The following MDC1 variants were observed in gnomAD, a reference collection of about 807,000 sequenced individuals.
MDC1 encodes mediator of DNA damage checkpoint protein 1.
Under a neutral mutation model 142.5 loss-of-function variants are expected in MDC1, and 81 were observed. That is an observed-to-expected ratio of 0.57 (90% CI 0.47 to 0.68). The LOEUF is 0.68. MDC1 is among the 30% of genes least tolerant of loss of function. The pLI is 0.00. For synonymous variants in MDC1, 797 were observed against 968.4 expected (o/e 0.82, Z 3.29); for missense variants, 2,119 against 2,547.9 (o/e 0.83, Z 3.62).
In MDC1 at chr6:30,702,773, A is replaced by G. The variant is rs746767199; in HGVS notation, c.5970T>C (p.Ala1990=). 2.5e-6 allele frequency: 4 copies of G among 1,613,144 alleles called. No individual in the cohort carries two copies. Residue 1990 remains alanine, a synonymous_variant, in exon 13 of 15, where the codon GCT becomes GCC. Coordinates refer to ENST00000376406, the MANE Select transcript of MDC1 (RefSeq NM_014641.3). ...GFSLQDALSR[A]RERRLLEGYE... is the part of the protein sequence containing the mutation. ...TCACCTCTAGCAGCCTTCGCTCCCG[A>G]GCCCTGCTCAGTGCGTCTTGAAGGC...
Position 30,703,002 on chromosome 6 carries a change from C to T in MDC1, c.5865+102G>A. 2.5e-6 allele frequency: 4 copies of T among 1,577,422 alleles called. No individual in the cohort carries two copies. Among genetic ancestry groups the T allele is most frequent in the Non-Finnish European group, 3.4e-6 (4 of 1,159,768 alleles). On this transcript the variant is annotated intron_variant, in intron 12 of 14. Transcript: ENST00000376406. The surrounding 1 kb of genome is among the most constrained non-coding windows in gnomAD (Gnocchi z 4.4). ...ATGCAGGCTTCTGGCTCACCAATGC[C>T]CCTGTCTTCCTGTAACGCCTCTTCC...
In MDC1 at chr6:30,715,050, T is replaced by C; in HGVS notation, c.126A>G (p.Gly42=). Residue 42 remains glycine, a synonymous_variant, in exon 2 of 15, where the codon GGA becomes GGG. Coordinates refer to ENST00000376406, the MANE Select transcript of MDC1 (RefSeq NM_014641.3). The surrounding 1 kb of genome is among the most constrained non-coding windows in gnomAD (Gnocchi z 4.1). The part of the protein sequence containing the change: ...GRLHIFSGAH[G]PEKDFPLHLG... ...CCAATACCCTCTGACCTTTTTCTGGTCCATGGGCACCACTAAAGATATGTA... is the reference window on the plus strand; with the variant it reads ...CCAATACCCTCTGACCTTTTTCTGGCCCATGGGCACCACTAAAGATATGTA... The C allele has an allele frequency of 6.2e-7, 1 of 1,614,170 alleles. No individual in the cohort carries two copies. Among genetic ancestry groups the C allele is most frequent in the Non-Finnish European group, 8.5e-7 (1 of 1,180,032 alleles).
rs775455109 is a variant in MDC1, at chr6:30,713,816, C to T, written c.504G>A (p.Ser168=). 44 of 1,613,974 alleles carry T rather than the reference C, an allele frequency of 2.7e-5. No individual in the cohort carries two copies. Among genetic ancestry groups the T allele is most frequent in the South Asian group, 5.5e-5 (5 of 91,072 alleles). ...ATACAAACTTACCTACTTCCTCCTC[C>T]GAGTCCTCAGCCAACAGAAGCCTCT... ...QPQRLLLAED[S]EEEVDFLSER... Residue 168 remains serine, a synonymous_variant, in exon 3 of 15, where the codon TCG becomes TCA. Coordinates refer to ENST00000376406, the MANE Select transcript of MDC1 (RefSeq NM_014641.3). This position sits in a 1 kb window ranked among gnomAD's most constrained non-coding sequence, Gnocchi z 4.9.
At chr6:30,706,251 C>G (rs1773790235) in intron 9 of MDC1, among the ~76,000 whole-genome samples, 153 bp from the exon 10 acceptor site, 1 of 151,968 alleles carries the variant, frequency 6.6e-6, no homozygotes, top group African/African-American at 2.4e-5. Context: ...CTTTGGGAGG[C>G]CGAGGCGGGC....
In MDC1 at chr6:30,711,427, T is replaced by C; in HGVS notation, c.2206A>G (p.Ser736Gly). Residue 736 changes from serine to glycine, a missense_variant, in exon 7 of 15, where the codon AGC (serine) becomes GGC (glycine). Coordinates refer to ENST00000376406, the MANE Select transcript of MDC1 (RefSeq NM_014641.3). ...TTTCTTATACCTGTTGTCTGGAAGC[T>C]GCAATGGGAAGGGCCAAGCTCTTGG... ...PPQELGPSHC[S>G]FQTTGTLDEP... is the part of the protein sequence containing the mutation. 6.2e-7 allele frequency: 1 copy of C among 1,613,050 alleles called. No individual in the cohort carries two copies. Among genetic ancestry groups the C allele is most frequent in the Non-Finnish European group, 8.5e-7 (1 of 1,179,988 alleles).
chr6:30,711,771 C>T (rs1257664450), intron 5 of MDC1, 45 bp from the exon 6 acceptor site: 12 of 1,594,524 alleles, frequency 7.5e-6, no homozygotes, highest in Non-Finnish European at 1.0e-5. Context: ...AAAATCATAC[C>T]TGACACTAAA....
Position 30,716,221 on chromosome 6 carries a change from T to G in MDC1, c.-4+1024A>C, listed in dbSNP as rs186796224. Among the ~76,000 whole-genome samples, 38 of 149,992 alleles carry G rather than the reference T, an allele frequency of 2.5e-4. No individual in the cohort carries two copies. In the East Asian group the frequency reaches 5.5e-3, roughly 22 times the overall value. ...TTTAAGATTCAGTTCAAATGTCACT[T>G]TCTTTCTTTTTTTTTTTTTTGAGAT... On this transcript the variant is annotated intron_variant, in intron 1 of 14. Transcript: ENST00000376406. The surrounding 1 kb of genome is among the most constrained non-coding windows in gnomAD (Gnocchi z 4.4).
chr6:30,713,127 G>C lies in MDC1; in HGVS notation c.815C>G (p.Thr272Arg), dbSNP rs754527969. 1.2e-6 allele frequency: 2 copies of C among 1,612,948 alleles called. No individual in the cohort carries two copies. The highest frequency in any genetic ancestry group is 3.3e-5 in the Admixed American group (2 of 60,010). ...ATTCCCTGCACCCCTCTTGACTTTT[G>C]TATCATTGTCCCTCTCCTTCACTAA... ...QPLVKERDND[T>R]KVKRGAGNGV... The change falls in exon 5 of 15, where the codon ACA (threonine) becomes AGA (arginine). Residue 272 changes from threonine to arginine, a missense_variant. Physicochemically the swap from Thr to Arg is moderately conservative, Grantham distance 71. Transcript: ENST00000376406. The surrounding 1 kb of genome is among the most constrained non-coding windows in gnomAD (Gnocchi z 4.9).
In MDC1 at chr6:30,700,419, A is replaced by G. The variant is rs774742623; in HGVS notation, c.*46T>C. ...TAACGCCCTGAGTTCTTTCTTCCACATATCTTCTAATTCGTGGTCTGGGAG... is the reference window on the plus strand; with the variant it reads ...TAACGCCCTGAGTTCTTTCTTCCACGTATCTTCTAATTCGTGGTCTGGGAG... On this transcript the variant is annotated 3_prime_UTR_variant, in exon 15 of 15. Transcript: ENST00000376406. 3 of 1,576,866 alleles carry G rather than the reference A, an allele frequency of 1.9e-6. No individual in the cohort carries two copies. The highest frequency in any genetic ancestry group is 2.3e-5 in the South Asian group (2 of 88,794).
Position 30,704,698 on chromosome 6 carries a change from C to T in MDC1, c.4485G>A (p.Glu1495=). The change falls in exon 10 of 15, where the codon GAG becomes GAA. Residue 1495 remains glutamate, a synonymous_variant. Coordinates refer to ENST00000376406, the MANE Select transcript of MDC1 (RefSeq NM_014641.3). ...TPETVVPTAP[E]LQASASTDQP... The stretch of plus-strand genomic sequence containing the variant: ...GGTCTGTGGAGGCGGAAGCCTGTAG[C>T]TCAGGGGCTGTGGGGACAACTGTTT... The T allele has an allele frequency of 6.2e-7, 1 of 1,612,256 alleles. No homozygotes were observed. Among genetic ancestry groups the T allele is most frequent in the African/African-American group, 1.3e-5 (1 of 74,658 alleles).
Position 30,707,939 on chromosome 6 carries a change from A to G in MDC1, c.2640T>C (p.Ser880=), listed in dbSNP as rs942750493. The G allele has an allele frequency of 5.0e-6, 8 of 1,612,746 alleles. No homozygotes were observed. The African/African-American group carries it at 6.7e-5, about 13-fold the overall frequency. Residue 880 remains serine (S), a synonymous_variant, in exon 8 of 15, where the codon AGT becomes AGC. Transcript: ENST00000376406. ...QRQESDKNGE[S]ASPERDRESL... Reference sequence around the variant, plus strand: ...TCTCCCTATCTCTTTCAGGACTTGCACTTTCCCCATTTTTGTCAGATTCTT... The same window carrying G: ...TCTCCCTATCTCTTTCAGGACTTGCGCTTTCCCCATTTTTGTCAGATTCTT...
chr6:30,703,303 C>T lies in MDC1; in HGVS notation c.5683-17G>A. On this transcript the variant is annotated splice_polypyrimidine_tract_variant and intron_variant, in intron 11 of 14. Coordinates refer to ENST00000376406, the MANE Select transcript of MDC1 (RefSeq NM_014641.3). This position sits in a 1 kb window ranked among gnomAD's most constrained non-coding sequence, Gnocchi z 4.4. ...GAAGAGCACCTGTGGAAGGGTTGAC[C>T]TGAGGTGGTTACGGCAACCCATGCC... 1 of 1,609,102 alleles carries T rather than the reference C, an allele frequency of 6.2e-7. No homozygotes were observed. Among genetic ancestry groups the T allele is most frequent in the South Asian group, 1.1e-5 (1 of 90,896 alleles).
chr6:30,707,679 G>A lies in MDC1; in HGVS notation c.2900C>T (p.Pro967Leu). The A allele has an allele frequency of 1.2e-6, 2 of 1,613,048 alleles. No individual in the cohort carries two copies. The highest frequency in any genetic ancestry group is 1.7e-6 in the Non-Finnish European group (2 of 1,180,028). Residue 967 changes from proline to leucine, a missense_variant, in exon 8 of 15, where the codon CCA becomes CTA. Coordinates refer to ENST00000376406, the MANE Select transcript of MDC1 (RefSeq NM_014641.3). The part of the protein sequence containing the change: ...DQKGQASSPT[P>L]EPGVGAGDLP... ...GTCCCCCGCCCCCACCCCAGGCTCT[G>A]GTGTTGGGCTGGAGGCCTGCCCTTT...
Position 30,705,190 on chromosome 6 carries a change from C to T in MDC1, c.3993G>A (p.Glu1331=). 1 of 1,592,730 alleles carries T rather than the reference C, an allele frequency of 6.3e-7. No homozygotes were observed. Among genetic ancestry groups the T allele is most frequent in the Non-Finnish European group, 8.5e-7 (1 of 1,170,612 alleles). ...TPETVVPTAP[E]LQISTSTDQP... is the part of the protein sequence containing the mutation. ...GGTCTGTGGAGGTGGAAATCTGGAG[C>T]TCAGGGGCTGTGGGGACAACTGTTT... The change falls in exon 10 of 15, where the codon GAG becomes GAA. Residue 1331 remains glutamate (E), a synonymous_variant. Transcript: ENST00000376406.
At chr6:30,710,461 A>G (rs1581598673) in intron 7 of MDC1, among the ~76,000 whole-genome samples, 1 of 144,250 alleles carries the variant, frequency 6.9e-6, no homozygotes, top group East Asian at 2.1e-4. Flanking sequence ...GCGATGGCAC[A>G]ATCTCAGCTC....
At position 30,703,702 on chromosome 6, in the gene MDC1, G is replaced by A. The variant is rs772146341; in HGVS notation, c.5481C>T (p.Pro1827=). 1 of 1,542,038 alleles carries A rather than the reference G, an allele frequency of 6.5e-7. No homozygotes were observed. The highest frequency in any genetic ancestry group is 2.1e-5 in the Admixed American group (1 of 47,494). ...TCTTCTGGGAGACTTCCCCTCTTTG[G>A]GGCTGTTTTTGATGTGGTGGTGAAT... The part of the protein sequence containing the change: ...TMDSPPHQKQ[P]QRGEVSQKTV... The change falls in exon 10 of 15, where the codon CCC becomes CCT. Residue 1827 remains proline, a synonymous_variant. Transcript: ENST00000376406. The surrounding 1 kb of genome is among the most constrained non-coding windows in gnomAD (Gnocchi z 4.4).
In MDC1 at chr6:30,706,015, C is replaced by T. The variant is rs140035564; in HGVS notation, c.3168G>A (p.Gln1056=). 1.2e-6 allele frequency: 2 copies of T among 1,607,484 alleles called. No homozygotes were observed. The highest frequency in any genetic ancestry group is 2.7e-5 in the African/African-American group (2 of 74,494). Reference sequence around the variant, plus strand: ...GCGGAGGTGCAAGATGTTTCTGGCTCTGAGAGTTAAGGGGCTTTTGGGGTG... The same window carrying T: ...GCGGAGGTGCAAGATGTTTCTGGCTTTGAGAGTTAAGGGGCTTTTGGGGTG... ...PAPPQKPLNS[Q]SQKHLAPPPL... The change falls in exon 10 of 15, where the codon CAG becomes CAA. Residue 1056 remains glutamine (Q), a synonymous_variant. Transcript: ENST00000376406.
chr6:30,708,160 T>C lies in MDC1; in HGVS notation c.2419A>G (p.Arg807Gly). 1 of 1,613,154 alleles carries C rather than the reference T, an allele frequency of 6.2e-7. No homozygotes were observed. Among genetic ancestry groups the C allele is most frequent in the Non-Finnish European group, 8.5e-7 (1 of 1,180,030 alleles). The change falls in exon 8 of 15, where the codon AGG becomes GGG. Residue 807 changes from arginine (R) to glycine (G), a missense_variant. Physicochemically the swap from Arg to Gly is moderately radical, Grantham distance 125. Coordinates refer to ENST00000376406, the MANE Select transcript of MDC1 (RefSeq NM_014641.3). ...TEPMGIQGRG[R>G]QTVDKVMGIP... ...CCCATGACTTTATCCACAGTCTGCCTCCCTCTGCCTTGAATCCCCATTGGC... is the reference window on the plus strand; with the variant it reads ...CCCATGACTTTATCCACAGTCTGCCCCCCTCTGCCTTGAATCCCCATTGGC...
Position 30,705,928 on chromosome 6 carries a change from C to T in MDC1, c.3255G>A (p.Gly1085=). 6.2e-7 allele frequency: 1 copy of T among 1,613,852 alleles called. No individual in the cohort carries two copies. The highest frequency in any genetic ancestry group is 8.5e-7 in the Non-Finnish European group (1 of 1,179,866). ...AGGGAGCCTCTGGAGCTTCCTGACT[C>T]CCATCTTGCCTGGTCTTACGAACGG... ...KPTVRKTRQD[G]SQEAPEAPLS... The change falls in exon 10 of 15, where the codon GGG becomes GGA. Residue 1085 remains glycine (G), a synonymous_variant. Transcript: ENST00000376406.
Sources: allele counts gnomAD v4.1 joint callset (sites outside exome capture counted in the v4.1 genomes callset), GRCh38; gene constraint gnomAD v4.1.1; non-coding constraint Gnocchi (gnomAD v3.1); transcripts MANE v1.5; gene names NCBI Gene and HGNC (gene_info 2026-07-23, HGNC 2026-07-21).